The following PRELID3A variants were observed in gnomAD, a reference collection of about 807,000 sequenced individuals.
PRELID3A encodes PRELI domain containing 3A, also known as PRELI domain containing protein 3A.
PRELID3A carries 27 observed loss-of-function variants against 23.0 expected under a neutral mutation model. The observed-to-expected ratio is 1.17, with a 90% CI of 0.87 to 1.62. PRELID3A has a LOEUF of 1.62. Among genes scored for constraint, PRELID3A ranks in the 40% most tolerant of loss-of-function variants. The pLI, the probability that PRELID3A is intolerant of heterozygous loss-of-function variation, is 0.00. For missense variants in PRELID3A, 231 were observed against 231.4 expected (o/e 1.00, Z 0.01); for synonymous variants, 87 against 86.4 (o/e 1.01, Z -0.04).
intron 1 of PRELID3A, among the ~76,000 whole-genome samples, chr18:12,410,185 C>T (rs1488398911): frequency 6.6e-6 from 1 of 152,236 alleles, no homozygotes; most frequent in African/African-American, 2.4e-5. Flanking sequence ...TTTCTCCCAT[C>T]ATTCATTTTG....
chr18:12,407,947 C>A lies in PRELID3A; in HGVS notation c.-29C>A. Reference sequence around the variant, plus strand: ...GCGGCCCGAAGCACCCGGCCCGGATCGCAGAGCCCGCGCCCTGCGCCGGCG... The same window carrying A: ...GCGGCCCGAAGCACCCGGCCCGGATAGCAGAGCCCGCGCCCTGCGCCGGCG... On this transcript the variant is annotated 5_prime_UTR_variant, in exon 1 of 7. Transcript: ENST00000440960. 9.3e-6 allele frequency: 12 copies of A among 1,292,118 alleles called. No individual in the cohort carries two copies. Among genetic ancestry groups the A allele is most frequent in the Non-Finnish European group, 1.1e-5 (11 of 1,022,614 alleles). The allele number at this position is 1,292,118 out of a possible 1,614,324, so 80.0% of individuals were successfully genotyped here.
chr18:12,409,091 A>T (rs1220663567), intron 1 of PRELID3A, among the ~76,000 whole-genome samples: 1 of 149,604 alleles, frequency 6.7e-6, no homozygotes, highest in Non-Finnish European at 1.5e-5. Context: ...GTGGAAGGAA[A>T]TTGTCATCCT....
intron 1 of PRELID3A, among the ~76,000 whole-genome samples, chr18:12,411,304 A>T (rs567959484): frequency 2.0e-4 from 31 of 151,270 alleles, no homozygotes; most frequent in South Asian, 1.0e-3. Flanking sequence ...TAAAAAATAA[A>T]AAAAAAAAAA....
chr18:12,413,195 A>C (rs892142767), intron 1 of PRELID3A, among the ~76,000 whole-genome samples: 8 of 152,156 alleles, frequency 5.3e-5, no homozygotes, highest in South Asian at 4.1e-4. Flanking sequence ...AGAGTATTGA[A>C]CTCTGAGGCC....
At chr18:12,420,565 C>A in intron 2 of PRELID3A, 72 bp downstream of exon 2, 1 of 1,398,016 alleles carries the variant, frequency 7.2e-7, no homozygotes, top group South Asian at 1.5e-5. Flanking sequence ...TCTCCCGCGT[C>A]CCTCCTCCCC....
At chr18:12,418,834 A>G (rs1233691481) in intron 1 of PRELID3A, among the ~76,000 whole-genome samples, 3 of 152,172 alleles carry the variant, frequency 2.0e-5, no homozygotes, top group Non-Finnish European at 4.4e-5. Flanking sequence ...TTTCAGGCCT[A>G]AACAAGTGCA....
chr18:12,427,178 C>T (rs766816843), intron 4 of PRELID3A, 43 bp from the exon 5 acceptor site: 1 of 1,599,770 alleles, frequency 6.3e-7, no homozygotes, highest in East Asian at 2.2e-5. Context: ...ACCCTCCTCT[C>T]TCTCAGGGCT....
At chr18:12,408,191 A>G (rs1909785862) in intron 1 of PRELID3A, among the ~76,000 whole-genome samples, 184 bp downstream of exon 1, 1 of 151,650 alleles carries the variant, frequency 6.6e-6, no homozygotes, top group Admixed American at 6.6e-5. Context: ...CTTCCCCGGG[A>G]CCGCGGTCTG....
chr18:12,420,878 T>C (rs2143364000), intron 2 of PRELID3A, among the ~76,000 whole-genome samples: 1 of 151,290 alleles, frequency 6.6e-6, no homozygotes, highest in East Asian at 2.0e-4. Context: ...GGCATCCCCA[T>C]CTGTCCTCCC....
chr18:12,426,511 G>A (rs143198955), intron 3 of PRELID3A, among the ~76,000 whole-genome samples: 1,856 of 134,298 alleles, frequency 0.014, 31 homozygotes, highest in African/African-American at 0.048. Context: ...CCGAGATCGC[G>A]CCACTGCACT....
At chr18:12,412,106 G>T (rs184536878) in intron 1 of PRELID3A, among the ~76,000 whole-genome samples, 74 of 151,722 alleles carry the variant, frequency 4.9e-4, no homozygotes, top group Admixed American at 1.1e-3. Context: ...TAGCCAGGAT[G>T]GTCTCCATCT....
intron 3 of PRELID3A, among the ~76,000 whole-genome samples, 192 bp from the exon 4 acceptor site, chr18:12,426,849 T>C (rs1274015177): frequency 6.6e-6 from 1 of 152,138 alleles, no homozygotes; most frequent in African/African-American, 2.4e-5. Flanking sequence ...GGGAAGAAGA[T>C]AGATGACAGT....
intron 1 of PRELID3A, 55 bp from the exon 2 acceptor site, chr18:12,420,270 C>G (rs1351733443): frequency 3.3e-6 from 5 of 1,536,744 alleles, no homozygotes; most frequent in African/African-American, 1.4e-5. Flanking sequence ...CTCCCCTTCA[C>G]CCTTGCGGCC....
intron 1 of PRELID3A, among the ~76,000 whole-genome samples, chr18:12,409,563 A>G (rs1420902500): frequency 6.6e-6 from 1 of 152,108 alleles, no homozygotes; most frequent in Non-Finnish European, 1.5e-5. Flanking sequence ...GATGGGATCT[A>G]ATTTTTTGTA....
intron 1 of PRELID3A, among the ~76,000 whole-genome samples, chr18:12,415,615 G>A (rs1478254955): frequency 6.6e-6 from 1 of 152,178 alleles, no homozygotes; most frequent in Non-Finnish European, 1.5e-5. Context: ...CAAACATGGA[G>A]AGACTAGAAT....
chr18:12,429,505 T>C, intron 6 of PRELID3A, 69 bp downstream of exon 6: 1 of 1,016,908 alleles, frequency 9.8e-7, no homozygotes, highest in Non-Finnish European at 1.5e-6. Flanking sequence ...ATGGTGCACA[T>C]GGTGAGGGGA....
At chr18:12,420,802 G>A (rs1453730809) in intron 2 of PRELID3A, among the ~76,000 whole-genome samples, 1 of 125,858 alleles carries the variant, frequency 7.9e-6, no homozygotes, top group African/African-American at 2.9e-5. Context: ...ACGGGGTGGG[G>A]GGACGGTGGG....
intron 2 of PRELID3A, 149 bp downstream of exon 2, chr18:12,420,642 T>C: frequency 1.7e-6 from 1 of 573,486 alleles, no homozygotes; most frequent in Non-Finnish European, 2.5e-6. Context: ...TTTCCTGAGA[T>C]CAGGGGGCGC....
At chr18:12,421,775 C>A (rs2030190328) in intron 3 of PRELID3A, 146 bp downstream of exon 3, 1 of 610,936 alleles carries the variant, frequency 1.6e-6, no homozygotes, top group South Asian at 2.1e-5. Context: ...AGCAGTTTAT[C>A]TTTTTATTCA....
Sources: allele counts gnomAD v4.1 joint callset (sites outside exome capture counted in the v4.1 genomes callset), GRCh38; gene constraint gnomAD v4.1.1; transcripts MANE v1.5; gene names NCBI Gene and HGNC (gene_info 2026-07-23, HGNC 2026-07-21).